PRKG1: variants seen among roughly 807,000 people sequenced by gnomAD.
PRKG1 encodes protein kinase cGMP-dependent 1, also known as cGMP-dependent protein kinase 1.
Under a neutral mutation model 88.1 loss-of-function variants are expected in PRKG1, and 35 were observed. That is an observed-to-expected ratio of 0.40 (90% CI 0.30 to 0.53). The LOEUF is 0.53. PRKG1 is among the 20% of genes least tolerant of loss of function. The probability of loss-of-function intolerance (pLI) is 0.59; values close to 1 mark genes in which losing one functional copy is unlikely to be tolerated. For synonymous variants in PRKG1, 303 were observed against 292.5 expected (o/e 1.04, Z -0.37); for missense variants, 540 against 839.8 (o/e 0.64, Z 4.41).
intron 2 of PRKG1, among the ~76,000 whole-genome samples, chr10:51,377,864 T>C (rs1023688124): frequency 6.6e-6 from 1 of 152,210 alleles, no homozygotes; most frequent in Non-Finnish European, 1.5e-5. Context: ...TACATGACCT[T>C]GCTGGCTTCC....
At chr10:51,583,824 C>T (rs10998353) in intron 3 of PRKG1, among the ~76,000 whole-genome samples, 10,524 of 152,056 alleles carry the variant, frequency 0.069, 1,196 homozygotes, top group African/African-American at 0.24. Context: ...GTATTGAATG[C>T]TTCATTTTTC....
At chr10:51,492,692 T>A (rs1381022577) in intron 3 of PRKG1, among the ~76,000 whole-genome samples, 1 of 151,856 alleles carries the variant, frequency 6.6e-6, no homozygotes, top group Non-Finnish European at 1.5e-5. Flanking sequence ...AAATAAAGAG[T>A]CCTATGCCTT....
At chr10:52,083,417 A>G (rs1846830159) in intron 7 of PRKG1, among the ~76,000 whole-genome samples, 1 of 152,124 alleles carries the variant, frequency 6.6e-6, no homozygotes. Flanking sequence ...TAAGGAAAAC[A>G]AACAAATGTA....
chr10:51,179,346 G>C (rs1837283316), intron 2 of PRKG1, among the ~76,000 whole-genome samples: 1 of 152,198 alleles, frequency 6.6e-6, no homozygotes, highest in Non-Finnish European at 1.5e-5. Flanking sequence ...TAGAATAGTA[G>C]CTGCAGACAA....
chr10:52,188,270 A>G (rs12573574), intron 9 of PRKG1, among the ~76,000 whole-genome samples: 545 of 19,338 alleles, frequency 0.028, 20 homozygotes, highest in African/African-American at 0.12. Flanking sequence ...ATACATATGT[A>G]TATATATACA....
At chr10:52,006,129 C>G (rs1844730669) in intron 5 of PRKG1, among the ~76,000 whole-genome samples, 1 of 152,018 alleles carries the variant, frequency 6.6e-6, no homozygotes, top group Non-Finnish European at 1.5e-5. Flanking sequence ...AAAAAGACAG[C>G]AACTTCAAAG....
chr10:51,068,878 T>A (rs2879546), intron 1 of PRKG1, among the ~76,000 whole-genome samples: 20,282 of 152,000 alleles, frequency 0.13, 3,190 homozygotes, highest in African/African-American at 0.38. Flanking sequence ...AAATGGTGTC[T>A]TGTGAATAAA....
At chr10:51,592,962 C>A (rs1015878137) in intron 3 of PRKG1, among the ~76,000 whole-genome samples, 3 of 152,114 alleles carry the variant, frequency 2.0e-5, no homozygotes, top group Non-Finnish European at 4.4e-5. Context: ...GGCTTTGTTC[C>A]TCATTTAATC....
At chr10:52,069,394 G>A (rs1263037039) in intron 7 of PRKG1, among the ~76,000 whole-genome samples, 2 of 152,006 alleles carry the variant, frequency 1.3e-5, no homozygotes, top group African/African-American at 2.4e-5. Flanking sequence ...ATCCAGTTGC[G>A]ATGGCACAAG....
chr10:51,561,986 G>A (rs1160185134), intron 3 of PRKG1, among the ~76,000 whole-genome samples: 3 of 152,000 alleles, frequency 2.0e-5, no homozygotes, highest in African/African-American at 7.2e-5. Context: ...ACTTTGGGAG[G>A]CCAAGGCAGG....
chr10:51,760,115 AT>A (rs2132525547), intron 3 of PRKG1, among the ~76,000 whole-genome samples: 1 of 152,152 alleles, frequency 6.6e-6, no homozygotes, highest in Admixed American at 6.5e-5. Context: ...ATCTACCACT[AT>A]TTTTTTGATG....
chr10:51,469,450 A>T (rs1204896902), intron 3 of PRKG1, among the ~76,000 whole-genome samples: 1 of 151,836 alleles, frequency 6.6e-6, no homozygotes, highest in African/African-American at 2.4e-5. Flanking sequence ...TTATTAAAGA[A>T]ATATTTTAAG....
intron 4 of PRKG1, among the ~76,000 whole-genome samples, chr10:51,840,765 C>T (rs1031404931): frequency 1.3e-5 from 2 of 152,002 alleles, no homozygotes; most frequent in African/African-American, 2.4e-5. Context: ...AGGCTGGTCT[C>T]GGACTCCAGC....
chr10:51,717,831 CAAA>C (rs776653787), intron 3 of PRKG1, among the ~76,000 whole-genome samples: 9 of 68,810 alleles, frequency 1.3e-4, no homozygotes, highest in Admixed American at 1.6e-4. Context: ...GACTCTGTCT[CAAA>C]AAAAAAAAAA....
chr10:52,163,315 A>G (rs1246516400), intron 9 of PRKG1, among the ~76,000 whole-genome samples: 1 of 148,540 alleles, frequency 6.7e-6, no homozygotes, highest in Non-Finnish European at 1.5e-5. Flanking sequence ...TATAGTATAT[A>G]TGTAATTTTA....
At chr10:51,503,315 A>G (rs1841090538) in intron 3 of PRKG1, among the ~76,000 whole-genome samples, 1 of 152,150 alleles carries the variant, frequency 6.6e-6, no homozygotes, top group African/African-American at 2.4e-5. Context: ...CTTATAAATT[A>G]AAGACAAAAT....
At chr10:51,656,396 AATTC>A (rs1304947003) in intron 3 of PRKG1, among the ~76,000 whole-genome samples, 5 of 152,070 alleles carry the variant, frequency 3.3e-5, no homozygotes, top group Non-Finnish European at 5.9e-5. Flanking sequence ...TGTGCACATC[AATTC>A]ATTCATTCAA....
intron 2 of PRKG1, among the ~76,000 whole-genome samples, chr10:51,398,062 C>G (rs1459172715): frequency 6.6e-6 from 1 of 152,150 alleles, no homozygotes; most frequent in African/African-American, 2.4e-5. Context: ...ACTTCATATC[C>G]CTCTAGTTCA....
At chr10:51,032,473 T>G (rs1288189979) in intron 1 of PRKG1, among the ~76,000 whole-genome samples, 1 of 152,172 alleles carries the variant, frequency 6.6e-6, no homozygotes, top group East Asian at 1.9e-4. Context: ...AAATATTATT[T>G]TGGTGCCAGC....
Sources: gnomAD v4.1 joint callset for allele counts (sites outside exome capture counted in the v4.1 genomes callset) on GRCh38, gnomAD v4.1.1 for gene constraint, MANE v1.5 for transcripts, NCBI Gene and HGNC (gene_info 2026-07-23, HGNC 2026-07-21) for gene names.